TNKS: variants seen among roughly 807,000 people sequenced by gnomAD.
TNKS encodes the protein poly [ADP-ribose] polymerase tankyrase-1.
A neutral mutation model predicts 135.8 loss-of-function variants in TNKS; 72 were observed. That is an observed-to-expected ratio of 0.53 (90% CI 0.44 to 0.64). The LOEUF (loss-of-function observed/expected upper bound fraction) is 0.64. Ranked by LOEUF, TNKS falls within the 30% of genes least tolerant of loss-of-function variation. TNKS has a pLI of 0.00. For synonymous variants in TNKS, 849 were observed against 649.3 expected, an observed-to-expected ratio of 1.31 and a Z score of -4.68; for missense variants, 1,769 against 1,674.0, an observed-to-expected ratio of 1.06 and a Z score of -0.99.
chr8:9,749,484 T>C (rs1379529917), intron 18 of TNKS, among the ~76,000 whole-genome samples: 9 of 151,236 alleles, frequency 6.0e-5, no homozygotes, highest in African/African-American at 1.9e-4. Flanking sequence ...TTTTTTTTTT[T>C]TCCCCCTTAA....
intron 26 of TNKS, among the ~76,000 whole-genome samples, chr8:9,774,771 T>C (rs1808127714): frequency 6.6e-6 from 1 of 152,206 alleles, no homozygotes; most frequent in Non-Finnish European, 1.5e-5. Flanking sequence ...TGGACGTGTG[T>C]CAGGGATCCC....
chr8:9,675,853 A>T (rs569660241), intron 3 of TNKS, among the ~76,000 whole-genome samples: 11 of 152,246 alleles, frequency 7.2e-5, no homozygotes, highest in African/African-American at 2.6e-4. Flanking sequence ...CACCAATTTC[A>T]GATGATCCCT....
intron 5 of TNKS, among the ~76,000 whole-genome samples, chr8:9,687,841 C>G (rs1803079178): frequency 6.6e-6 from 1 of 152,198 alleles, no homozygotes; most frequent in Admixed American, 6.5e-5. Context: ...AATTTAGAAG[C>G]CAAATTACAA....
At chr8:9,774,659 C>T (rs548136231) in intron 26 of TNKS, among the ~76,000 whole-genome samples, 28 of 152,212 alleles carry the variant, frequency 1.8e-4, no homozygotes, top group Admixed American at 6.5e-4. Flanking sequence ...AAAGGGCACA[C>T]AGAAACAATT....
chr8:9,759,384 G>A (rs902120459), intron 20 of TNKS, among the ~76,000 whole-genome samples: 2 of 152,160 alleles, frequency 1.3e-5, no homozygotes, highest in Non-Finnish European at 2.9e-5. Context: ...TGTCTCACAC[G>A]GGGAAGGGAT....
chr8:9,667,932 T>C (rs1206041395), intron 3 of TNKS, among the ~76,000 whole-genome samples: 1 of 151,906 alleles, frequency 6.6e-6, no homozygotes, highest in Non-Finnish European at 1.5e-5. Flanking sequence ...AGGCACTGTT[T>C]ACAATATGCC....
intron 6 of TNKS, 142 bp from the exon 7 acceptor site, chr8:9,706,045 G>C (rs1804028890): frequency 4.4e-6 from 2 of 458,708 alleles, no homozygotes. Flanking sequence ...GCTATGCTTT[G>C]AATTCTTTTA....
At chr8:9,713,641 C>T (rs73662507) in intron 11 of TNKS, among the ~76,000 whole-genome samples, 1 of 152,132 alleles carries the variant, frequency 6.6e-6, no homozygotes, top group African/African-American at 2.4e-5. Context: ...CTAGTAGGCA[C>T]TTAAAAAAGA....
chr8:9,672,202 A>C (rs867525959), intron 3 of TNKS, among the ~76,000 whole-genome samples: 5 of 152,142 alleles, frequency 3.3e-5, no homozygotes, highest in African/African-American at 1.2e-4. Context: ...CTAGTTTATA[A>C]ATTAAAATTT....
chr8:9,706,769 C>G (rs759389037), intron 7 of TNKS, 42 bp from the exon 8 acceptor site: 1 of 1,540,042 alleles, frequency 6.5e-7, no homozygotes, highest in Non-Finnish European at 8.7e-7. Flanking sequence ...TTTGATCCAG[C>G]AAAATGATTA....
intron 2 of TNKS, among the ~76,000 whole-genome samples, chr8:9,611,195 A>G (rs76209416): frequency 0.012 from 1,843 of 152,326 alleles, 36 homozygotes; most frequent in African/African-American, 0.041. Context: ...GCTGAGACGC[A>G]TTAGTAAAAC....
In TNKS at chr8:9,704,753, A is replaced by C; in HGVS notation, c.1198A>C (p.Lys400Gln). The change falls in exon 6 of 27, where the codon AAA becomes CAA. Residue 400 changes from lysine to glutamine, a missense_variant. Transcript: ENST00000310430. ...TGGTGCTGATGTTCATGCAAAAGACAAAGGGTAGGTCTATCAGTTTACTTC... is the reference window on the plus strand; with the variant it reads ...TGGTGCTGATGTTCATGCAAAAGACCAAGGGTAGGTCTATCAGTTTACTTC... Reference protein sequence around the residue: ...QHGADVHAKDKGGLVPLHNAC... With the variant: ...QHGADVHAKDQGGLVPLHNAC... 2 of 1,612,700 alleles carry C rather than the reference A, an allele frequency of 1.2e-6. No homozygotes were observed. Among genetic ancestry groups the C allele is most frequent in the African/African-American group, 1.3e-5 (1 of 75,018 alleles).
At chr8:9,716,802 A>G (rs1222435016) in intron 11 of TNKS, among the ~76,000 whole-genome samples, 1 of 151,220 alleles carries the variant, frequency 6.6e-6, no homozygotes, top group Non-Finnish European at 1.5e-5. Context: ...ATTTTTCTGT[A>G]TTATTTCTCT....
intron 2 of TNKS, among the ~76,000 whole-genome samples, chr8:9,583,654 A>C (rs1798255930): frequency 2.6e-5 from 4 of 151,720 alleles, no homozygotes; most frequent in African/African-American, 9.7e-5. Flanking sequence ...ATTCCCAGCT[A>C]AGTTTTGTAT....
At chr8:9,650,390 C>G (rs1279050889) in intron 3 of TNKS, among the ~76,000 whole-genome samples, 3 of 152,210 alleles carry the variant, frequency 2.0e-5, no homozygotes, top group Non-Finnish European at 4.4e-5. Flanking sequence ...CTTTTAGTCT[C>G]CACACTTTCT....
At chr8:9,576,050 A>G (rs540043969) in intron 1 of TNKS, among the ~76,000 whole-genome samples, 8 of 152,308 alleles carry the variant, frequency 5.3e-5, no homozygotes, top group South Asian at 2.1e-4. Flanking sequence ...AGAGAGAAAC[A>G]TATTTCCAGA....
At position 9,777,099 on chromosome 8, in the gene TNKS, C is replaced by T. The variant is rs1296807097; in HGVS notation, c.*363C>T. On this transcript the variant is annotated 3_prime_UTR_variant, in exon 27 of 27. Transcript: ENST00000310430. ...CACACACTACATTTGTTTTGTTATGCATGACGTGTCTATAACAAATATACA... is the reference window on the plus strand; with the variant it reads ...CACACACTACATTTGTTTTGTTATGTATGACGTGTCTATAACAAATATACA... 1 of 222,682 alleles carries T rather than the reference C, an allele frequency of 4.5e-6. No homozygotes were observed. Among genetic ancestry groups the T allele is most frequent in the Non-Finnish European group, 9.1e-6 (1 of 110,476 alleles). The allele number at this position is 222,682 out of a possible 1,614,324, so 13.8% of individuals were successfully genotyped here.
chr8:9,752,430 C>T (rs934267445), intron 19 of TNKS, 114 bp from the exon 20 acceptor site: 34 of 690,632 alleles, frequency 4.9e-5, no homozygotes, highest in Admixed American at 2.5e-4. Flanking sequence ...TATTTTATGC[C>T]ATGGAAAATC....
intron 17 of TNKS, among the ~76,000 whole-genome samples, chr8:9,743,219 T>C (rs1026783772): frequency 6.6e-6 from 1 of 152,194 alleles, no homozygotes; most frequent in Non-Finnish European, 1.5e-5. Flanking sequence ...ACTGTAGGTA[T>C]AGTGTTACCC....
Sources: gnomAD v4.1 joint callset for allele counts (sites outside exome capture counted in the v4.1 genomes callset) on GRCh38, gnomAD v4.1.1 for gene constraint, MANE v1.5 for transcripts, NCBI Gene and HGNC (gene_info 2026-07-23, HGNC 2026-07-21) for gene names.